Variants in DMD observed in about 807,000 individuals in gnomAD.
The protein encoded by DMD is mutant dystrophin.
In DMD, 63 loss-of-function variants were observed where a neutral mutation model predicts 330.1. That is an observed-to-expected ratio of 0.19 (90% CI 0.16 to 0.24). DMD has a LOEUF of 0.24. Among genes scored for constraint, DMD ranks in the 10% least tolerant of loss-of-function variants. The probability of loss-of-function intolerance (pLI) is 1.00; values close to 1 mark genes in which losing one functional copy is unlikely to be tolerated. For missense variants in DMD, 3,344 were observed against 2,684.1 expected, an observed-to-expected ratio of 1.25 and a Z score of -5.43; for synonymous variants, 1,223 against 959.8, an observed-to-expected ratio of 1.27 and a Z score of -5.07.
intron 78 of DMD, among the ~76,000 whole-genome samples, chrX:31,122,356 A>AT (rs754382662): frequency 1.9e-3 from 210 of 110,754 alleles, no homozygotes; most frequent in African/African-American, 4.9e-3. Context: ...ATTAACGAAC[A>AT]TTTTTTTTAC....
At chrX:31,934,077 C>T (rs1302994374) in intron 45 of DMD, among the ~76,000 whole-genome samples, 4 of 110,785 alleles carry the variant, frequency 3.6e-5, no homozygotes, top group Non-Finnish European at 7.6e-5. Flanking sequence ...TTGAGGATTT[C>T]ATAGTCAATG....
At chrX:31,431,297 TGC>T (rs1430048012) in intron 60 of DMD, among the ~76,000 whole-genome samples, 1 of 112,124 alleles carries the variant, frequency 8.9e-6, no homozygotes, top group Non-Finnish European at 1.9e-5. Flanking sequence ...AGGAATGGAA[TGC>T]CAAAAGTAAG....
At chrX:32,910,895 A>G (rs186491650) in intron 2 of DMD, among the ~76,000 whole-genome samples, 423 of 112,192 alleles carry the variant, frequency 3.8e-3, no homozygotes, top group African/African-American at 0.013. Flanking sequence ...AGCTCTTTCA[A>G]TTATGGGTAT....
chrX:33,320,951 G>A (rs1000301371), intron 1 of DMD, among the ~76,000 whole-genome samples: 2 of 111,524 alleles, frequency 1.8e-5, no homozygotes, highest in East Asian at 2.8e-4. Context: ...ATCCATTCAC[G>A]CTTTATTATG....
intron 41 of DMD, among the ~76,000 whole-genome samples, chrX:32,334,215 T>C (rs763909879): frequency 8.9e-6 from 1 of 111,994 alleles, no homozygotes; most frequent in South Asian, 3.7e-4. Flanking sequence ...AATTACAAAA[T>C]TGAGCTGAGA....
At chrX:33,083,803 TAGAA>T (rs1200612138) in intron 1 of DMD, among the ~76,000 whole-genome samples, 2 of 111,337 alleles carry the variant, frequency 1.8e-5, no homozygotes, top group Admixed American at 9.6e-5. Context: ...TCCTACTAGT[TAGAA>T]AGAGCGAACT....
chrX:31,206,553 A>G, intron 66 of DMD, 29 bp downstream of exon 66: 1 of 1,139,418 alleles, frequency 8.8e-7, no homozygotes, highest in Non-Finnish European at 1.2e-6. Flanking sequence ...CATTAATAAA[A>G]GAATACAGCA....
At chrX:31,277,425 T>A (rs910635480) in intron 62 of DMD, among the ~76,000 whole-genome samples, 1 of 111,988 alleles carries the variant, frequency 8.9e-6, no homozygotes, top group Admixed American at 9.5e-5. Flanking sequence ...AGAAAAAATA[T>A]AAAAGGAAAT....
At chrX:32,764,284 G>T (rs2855691) in intron 7 of DMD, among the ~76,000 whole-genome samples, 47,141 of 109,761 alleles carry the variant, frequency 0.43, 8,606 homozygotes, top group African/African-American at 0.69. Context: ...AAAGCTTATA[G>T]GTTTTTATCA....
chrX:31,765,680 C>A (rs759219276), intron 51 of DMD, among the ~76,000 whole-genome samples: 2 of 111,396 alleles, frequency 1.8e-5, no homozygotes, highest in Non-Finnish European at 3.8e-5. Context: ...ACATAAGTAA[C>A]CATATACATA....
chrX:31,673,447 T>C (rs2081922444), intron 53 of DMD, among the ~76,000 whole-genome samples: 1 of 110,491 alleles, frequency 9.1e-6, no homozygotes, highest in African/African-American at 3.3e-5. Context: ...ACCCTGTCTC[T>C]ACTAAAAACA....
intron 44 of DMD, among the ~76,000 whole-genome samples, chrX:31,980,489 T>C (rs768423832): frequency 6.3e-5 from 7 of 111,951 alleles, no homozygotes; most frequent in Non-Finnish European, 1.1e-4. Context: ...TATGGTGATA[T>C]AAATCAGAAG....
intron 2 of DMD, among the ~76,000 whole-genome samples, chrX:33,003,203 A>G (rs1256732958): frequency 1.8e-5 from 2 of 110,630 alleles, no homozygotes; most frequent in Non-Finnish European, 3.8e-5. Context: ...ATGCCTTTGC[A>G]TCCTCATAGT....
At chrX:33,207,972 T>C (rs1416245940) in intron 1 of DMD, among the ~76,000 whole-genome samples, 1 of 111,501 alleles carries the variant, frequency 9.0e-6, no homozygotes, top group African/African-American at 3.3e-5. Flanking sequence ...ACAAACCTCC[T>C]AGGACTATAG....
chrX:33,064,901 TAATAA>T (rs948856007), intron 1 of DMD, among the ~76,000 whole-genome samples: 3 of 110,558 alleles, frequency 2.7e-5, no homozygotes, highest in African/African-American at 9.9e-5. Flanking sequence ...AAAAAAATAA[TAATAA>T]AATAAAATAA....
In DMD at chrX:32,558,938, C is replaced by CTTTTTTTTTTTTTT. The variant is rs60739281; in HGVS notation, c.1992+6750_1992+6763dup. Among the ~76,000 whole-genome samples the CTTTTTTTTTTTTTT allele has an allele frequency of 6.5e-4, 33 of 50,827 alleles. 3 individuals carry two copies. The highest frequency in any genetic ancestry group is 3.0e-3 in the African/African-American group (29 of 9,734). The allele number at this position is 50,827 out of a possible 115,157, so 44.1% of individuals were successfully genotyped here. On this transcript the variant is annotated intron_variant, in intron 16 of 78. Coordinates refer to ENST00000357033, the MANE Select transcript of DMD (RefSeq NM_004006.3). Reference sequence around the variant, plus strand: ...TATTTGAGATGTAACTTCAAATTTTCTTTTTTTTTTTTTTTTTTTTTTTTT... The same window carrying CTTTTTTTTTTTTTT: ...TATTTGAGATGTAACTTCAAATTTTCTTTTTTTTTTTTTTTTTTTTTTTTTTTTTTTTTTTTTTT...
intron 42 of DMD, among the ~76,000 whole-genome samples, chrX:32,306,130 C>A (rs186345744): frequency 1.5e-4 from 16 of 108,636 alleles, no homozygotes; most frequent in African/African-American, 4.7e-4. Context: ...TGCTTCTATT[C>A]TGTCTCCCAA....
chrX:32,751,769 T>A (rs1467005717), intron 7 of DMD, among the ~76,000 whole-genome samples: 1 of 112,199 alleles, frequency 8.9e-6, no homozygotes, highest in Non-Finnish European at 1.9e-5. Flanking sequence ...AATGGTTTTG[T>A]GGGCTAGGCC....
intron 48 of DMD, among the ~76,000 whole-genome samples, chrX:31,839,742 C>G (rs896878611): frequency 8.9e-6 from 1 of 111,792 alleles, no homozygotes; most frequent in East Asian, 2.8e-4. Flanking sequence ...CTCCATCTAG[C>G]AATCCAAGAG....
Sources: gnomAD v4.1 joint callset for allele counts (sites outside exome capture counted in the v4.1 genomes callset) on GRCh38, gnomAD v4.1.1 for gene constraint, MANE v1.5 for transcripts, NCBI Gene and HGNC (gene_info 2026-07-23, HGNC 2026-07-21) for gene names.